SIL1: variants seen among roughly 807,000 people sequenced by gnomAD.
The protein encoded by SIL1 is SIL1 nucleotide exchange factor.
SIL1 carries 40 observed loss-of-function variants against 49.1 expected under a neutral mutation model. The observed-to-expected ratio is 0.81, with a 90% CI of 0.63 to 1.06. The LOEUF (loss-of-function observed/expected upper bound fraction) is 1.06, where lower values mean the gene tolerates loss of function less well. Ranked by LOEUF, SIL1 falls within the 50% of genes least tolerant of loss-of-function variation. SIL1 has a pLI of 0.00. For missense variants in SIL1, 500 were observed against 572.6 expected (o/e 0.87, Z 1.29); for synonymous variants, 253 against 250.8 (o/e 1.01, Z -0.08).
At chr5:138,981,639 G>C (rs756394906) in intron 7 of SIL1, among the ~76,000 whole-genome samples, 1 of 152,184 alleles carries the variant, frequency 6.6e-6, no homozygotes. Context: ...ATAAAGGCAA[G>C]GAGTGAAGCT....
intron 3 of SIL1, among the ~76,000 whole-genome samples, chr5:139,072,069 A>T (rs1194990361): frequency 1.3e-5 from 2 of 152,214 alleles, no homozygotes; most frequent in Non-Finnish European, 2.9e-5. Context: ...AAAATAAATT[A>T]CTTCAAAACT....
At chr5:138,976,155 C>A (rs898639967) in intron 7 of SIL1, among the ~76,000 whole-genome samples, 1 of 152,180 alleles carries the variant, frequency 6.6e-6, no homozygotes, top group Non-Finnish European at 1.5e-5. Flanking sequence ...CCCAGATATT[C>A]CAGCCCTCCA....
intron 3 of SIL1, among the ~76,000 whole-genome samples, chr5:139,052,702 C>T (rs929771248): frequency 2.0e-5 from 3 of 152,034 alleles, no homozygotes; most frequent in East Asian, 3.9e-4. Context: ...AAGTTCAGAG[C>T]GCAGTGGAAA....
chr5:139,084,913 C>T (rs1770179426), intron 3 of SIL1, among the ~76,000 whole-genome samples: 1 of 152,108 alleles, frequency 6.6e-6, no homozygotes, highest in Non-Finnish European at 1.5e-5. Flanking sequence ...ATTTTTTTCT[C>T]TATATACATT....
intron 7 of SIL1, among the ~76,000 whole-genome samples, chr5:138,973,212 A>T (rs913035528): frequency 6.6e-6 from 1 of 151,534 alleles, no homozygotes; most frequent in Non-Finnish European, 1.5e-5. Context: ...AAAAAAAAAA[A>T]AAAAAAAAAA....
intron 3 of SIL1, among the ~76,000 whole-genome samples, chr5:139,061,304 T>C (rs1245155194): frequency 1.1e-4 from 16 of 152,164 alleles, no homozygotes; most frequent in Non-Finnish European, 2.2e-4. Flanking sequence ...AATGAATGCA[T>C]GGTGCTCTTG....
rs749818874 is a variant in SIL1 at position 138,983,508 on chromosome 5, GAAAAAAA to G, written c.768-31631_768-31625del. On this transcript the variant is annotated intron_variant, in intron 7 of 9. Coordinates refer to ENST00000394817, the MANE Select transcript of SIL1 (RefSeq NM_022464.5). ...GGGCGACAGAGCGAGATTTTGTCTCGAAAAAAAAAAAAGAAAAAAGAAATCAATCACA... is the reference window on the plus strand; with the variant it reads ...GGGCGACAGAGCGAGATTTTGTCTCGAAAAAGAAAAAAGAAATCAATCACA... 2.2e-5 allele frequency among the ~76,000 whole-genome samples: 3 copies of G among 136,356 alleles called. No homozygotes were observed. In the East Asian group the frequency reaches 6.3e-4, roughly 29 times the overall value. The allele number at this position is 136,356 out of a possible 152,430, so 89.5% of individuals were successfully genotyped here. A position where few individuals can be genotyped will look rare whatever the true frequency, so the allele number is the denominator to read the frequency against.
chr5:139,057,314 TAAAAAA>T (rs67544778), intron 3 of SIL1, among the ~76,000 whole-genome samples: 1 of 73,392 alleles, frequency 1.4e-5, no homozygotes, highest in Non-Finnish European at 2.8e-5. Context: ...GAATGATCAA[TAAAAAA>T]AAAAAAAAGA....
At chr5:138,996,513 ATT>A (rs140943492) in intron 7 of SIL1, among the ~76,000 whole-genome samples, 30 of 89,904 alleles carry the variant, frequency 3.3e-4, no homozygotes, top group African/African-American at 1.2e-3. Context: ...TGCTGTGCAG[ATT>A]TTTTTTTTTT....
rs549506807 is a variant in SIL1 at position 138,953,921 on chromosome 5, C to G, written c.768-2037G>C. On this transcript the variant is annotated intron_variant, in intron 7 of 9. Coordinates refer to ENST00000394817, the MANE Select transcript of SIL1 (RefSeq NM_022464.5). ...GCCAAGGAGTCCCATCCCTCATGGG[C>G]CCTCAGAGCAGCAGAGACAAGGCCC... 2.0e-5 allele frequency among the ~76,000 whole-genome samples: 3 copies of G among 152,332 alleles called. No individual in the cohort carries two copies. The East Asian group carries it at 5.8e-4, about 29-fold the overall frequency.
Position 139,026,941 on chromosome 5 carries a change from T to C in SIL1, c.505A>G (p.Lys169Glu). The C allele has an allele frequency of 6.2e-7, 1 of 1,614,204 alleles. No individual in the cohort carries two copies. Reference sequence around the variant, plus strand: ...ACAACATTCAGCTCATCAAAGTCTTTCTTCAGTTCCTCAATGGGGCGGAAG... The same window carrying C: ...ACAACATTCAGCTCATCAAAGTCTTCCTTCAGTTCCTCAATGGGGCGGAAG... The part of the protein sequence containing the change: ...RLFRPIEELK[K>E]DFDELNVVIE... The change falls in exon 6 of 10, where the codon AAA becomes GAA. Residue 169 changes from lysine to glutamate, a missense_variant. Transcript: ENST00000394817.
chr5:139,093,138 C>G (rs546479413), intron 3 of SIL1, among the ~76,000 whole-genome samples: 6 of 152,158 alleles, frequency 3.9e-5, no homozygotes, highest in East Asian at 1.9e-4. Context: ...TGTTCCCCCC[C>G]ACAAAAGGCA....
At chr5:139,036,889 G>A (rs1042572560) in intron 5 of SIL1, among the ~76,000 whole-genome samples, 3 of 152,010 alleles carry the variant, frequency 2.0e-5, no homozygotes, top group African/African-American at 7.3e-5. Flanking sequence ...AAGAAGAAAA[G>A]GATAGGCTGC....
intron 1 of SIL1, among the ~76,000 whole-genome samples, chr5:139,176,076 G>C (rs1448466721): frequency 6.6e-6 from 1 of 152,148 alleles, no homozygotes; most frequent in Non-Finnish European, 1.5e-5. Context: ...GCTCACTGCA[G>C]TCTCAAAACC....
chr5:138,990,879 C>T (rs573318595), intron 7 of SIL1, among the ~76,000 whole-genome samples: 2 of 152,338 alleles, frequency 1.3e-5, no homozygotes, highest in South Asian at 4.1e-4. Context: ...TCACATCTGT[C>T]TAATTTTTGT....
chr5:139,112,778 A>G (rs1770896004), intron 3 of SIL1, among the ~76,000 whole-genome samples: 1 of 150,926 alleles, frequency 6.6e-6, no homozygotes, highest in Non-Finnish European at 1.5e-5. Context: ...CTGCCCGGCC[A>G]CCACCCCGTC....
chr5:139,086,832 T>C (rs1335007991), intron 3 of SIL1, among the ~76,000 whole-genome samples: 4 of 151,686 alleles, frequency 2.6e-5, no homozygotes, highest in African/African-American at 9.7e-5. Flanking sequence ...TGGTGGCACA[T>C]GCCTGTAATC....
chr5:139,111,128 CAGT>C (rs1324534952), intron 3 of SIL1, among the ~76,000 whole-genome samples: 2 of 152,226 alleles, frequency 1.3e-5, no homozygotes, highest in East Asian at 3.8e-4. Flanking sequence ...ACCTTCCCCA[CAGT>C]AGTTCTTCCC....
chr5:139,140,893 AG>A (rs1751066230), intron 1 of SIL1, among the ~76,000 whole-genome samples: 1 of 152,178 alleles, frequency 6.6e-6, no homozygotes, highest in Non-Finnish European at 1.5e-5. Flanking sequence ...AGTATTGCCT[AG>A]GAAACAGCAG....
Sources: allele counts gnomAD v4.1 joint callset (sites outside exome capture counted in the v4.1 genomes callset), GRCh38; gene constraint gnomAD v4.1.1; transcripts MANE v1.5; gene names NCBI Gene and HGNC (gene_info 2026-07-23, HGNC 2026-07-21).